CSMD3: variants seen among roughly 807,000 people sequenced by gnomAD.
CSMD3 encodes CUB and sushi domain-containing protein 3.
CSMD3 carries 177 observed loss-of-function variants against 435.2 expected under a neutral mutation model. That is an observed-to-expected ratio of 0.41 (90% CI 0.36 to 0.46). The LOEUF (loss-of-function observed/expected upper bound fraction) is 0.46. Ranked by LOEUF, CSMD3 falls within the 20% of genes least tolerant of loss-of-function variation. CSMD3 has a pLI of 0.34. For synonymous variants in CSMD3, 1,656 were observed against 1,520.5 expected (o/e 1.09, Z -2.07); for missense variants, 4,265 against 4,504.6 (o/e 0.95, Z 1.52).
chr8:112,949,831 C>T (rs532377898), intron 8 of CSMD3, among the ~76,000 whole-genome samples: 3 of 152,112 alleles, frequency 2.0e-5, no homozygotes, highest in African/African-American at 4.8e-5. Flanking sequence ...GTTGTCTGTT[C>T]GCTGTTCTGC....
intron 13 of CSMD3, among the ~76,000 whole-genome samples, chr8:112,790,665 G>A (rs1394501449): frequency 1.3e-5 from 2 of 151,644 alleles, no homozygotes; most frequent in Non-Finnish European, 2.9e-5. Context: ...ATAACCTACT[G>A]AGAAAAAAAA....
chr8:113,120,272 T>C (rs1311200425), intron 4 of CSMD3, among the ~76,000 whole-genome samples: 1 of 152,124 alleles, frequency 6.6e-6, no homozygotes, highest in East Asian at 1.9e-4. Context: ...AAAACTTATA[T>C]TGAAATATTT....
chr8:112,657,698 C>T (rs1279084127), intron 17 of CSMD3, among the ~76,000 whole-genome samples: 4 of 152,110 alleles, frequency 2.6e-5, no homozygotes, highest in Non-Finnish European at 4.4e-5. Flanking sequence ...ATATTTTTCC[C>T]TTGCCTATGA....
intron 3 of CSMD3, among the ~76,000 whole-genome samples, chr8:113,248,816 T>C (rs2093306295): frequency 6.6e-6 from 1 of 151,966 alleles, no homozygotes; most frequent in Admixed American, 6.6e-5. Context: ...AAATCTGGTA[T>C]GATGTTCAAG....
At chr8:113,253,956 C>T (rs1010250097) in intron 3 of CSMD3, among the ~76,000 whole-genome samples, 1 of 152,084 alleles carries the variant, frequency 6.6e-6, no homozygotes, top group Non-Finnish European at 1.5e-5. Context: ...CCAGATATAA[C>T]ATTCCACTTC....
chr8:113,230,503 G>A (rs1201754289), intron 3 of CSMD3, among the ~76,000 whole-genome samples: 1 of 151,536 alleles, frequency 6.6e-6, no homozygotes, highest in Non-Finnish European at 1.5e-5. Context: ...CATACTTAGA[G>A]CCCAATGTCC....
chr8:113,331,553 A>T (rs560592499), intron 1 of CSMD3, among the ~76,000 whole-genome samples: 2 of 151,916 alleles, frequency 1.3e-5, no homozygotes, highest in Non-Finnish European at 3.0e-5. Context: ...AGAAAAGTGA[A>T]TTCAGCAAAA....
rs759473877 is a variant in CSMD3, at chr8:112,341,659, G to A, written c.6470C>T (p.Ser2157Phe). ...CAAATAATCATGTATGGTTTCTGTA[G>A]AAAAATTTACAAACTGGAGATGTAC... ...FGVHLQFVNF[S>F]TETIHDYLEV... Residue 2157 changes from serine (S) to phenylalanine (F), a missense_variant, in exon 42 of 71, where the codon TCT becomes TTT. Ser to Phe is a radical substitution (Grantham distance 155, BLOSUM62 -2). Transcript: ENST00000297405. 1.9e-6 allele frequency: 3 copies of A among 1,611,198 alleles called. No homozygotes were observed. Among genetic ancestry groups the A allele is most frequent in the Non-Finnish European group, 2.5e-6 (3 of 1,177,578 alleles).
At chr8:112,899,638 T>TATAC (rs1309592432) in intron 10 of CSMD3, among the ~76,000 whole-genome samples, 28 of 118,450 alleles carry the variant, frequency 2.4e-4, no homozygotes, top group African/African-American at 8.8e-4. Context: ...TATATGTATA[T>TATAC]ACATATATGT....
In CSMD3 at chr8:112,287,242, A is replaced by G. The variant is rs2130637479; in HGVS notation, c.9153T>C (p.Asp3051=). The change falls in exon 58 of 71, where the codon GAT becomes GAC. Residue 3051 remains aspartate, a synonymous_variant. Transcript: ENST00000297405. ...CTGGATCGCCACATGTCCCAGTAGC[A>G]TCACCTGCAATGCAGTACAGTTCAA... ...WSGSQPHCSG[D]ATGTCGDPGT... is the part of the protein sequence containing the mutation. The G allele has an allele frequency of 6.2e-7, 1 of 1,613,554 alleles. No individual in the cohort carries two copies. The highest frequency in any genetic ancestry group is 8.5e-7 in the Non-Finnish European group (1 of 1,179,668).
intron 3 of CSMD3, among the ~76,000 whole-genome samples, chr8:113,175,615 C>G (rs946387878): frequency 6.6e-6 from 1 of 151,866 alleles, no homozygotes; most frequent in East Asian, 1.9e-4. Context: ...ACACTTTGAA[C>G]AGTAGTTTAT....
At chr8:112,954,092 T>A (rs1201156855) in intron 8 of CSMD3, among the ~76,000 whole-genome samples, 1 of 151,484 alleles carries the variant, frequency 6.6e-6, no homozygotes, top group Admixed American at 6.6e-5. Context: ...TCTGAGATTT[T>A]GGGATGAACT....
At chr8:112,438,757 A>C (rs2130477118) in intron 32 of CSMD3, among the ~76,000 whole-genome samples, 1 of 152,310 alleles carries the variant, frequency 6.6e-6, no homozygotes, top group Admixed American at 6.5e-5. Flanking sequence ...AACAGGAAAG[A>C]CTCATAAAAG....
At chr8:113,016,127 T>C (rs886635384) in intron 6 of CSMD3, among the ~76,000 whole-genome samples, 13 of 151,936 alleles carry the variant, frequency 8.6e-5, no homozygotes, top group Admixed American at 5.3e-4. Context: ...AGTAAGAGAT[T>C]TCTATTATAG....
At chr8:112,746,129 G>C (rs1038394568) in intron 13 of CSMD3, among the ~76,000 whole-genome samples, 3 of 152,106 alleles carry the variant, frequency 2.0e-5, no homozygotes, top group African/African-American at 7.2e-5. Flanking sequence ...ATTCCAATTA[G>C]ATGTAGCCTC....
chr8:113,026,244 T>C (rs575742855), intron 5 of CSMD3, among the ~76,000 whole-genome samples: 8 of 152,254 alleles, frequency 5.3e-5, no homozygotes, highest in African/African-American at 1.9e-4. Flanking sequence ...GTCTCTCCCA[T>C]CCCCAAGCTC....
chr8:112,474,709 A>T (rs1454131691), intron 31 of CSMD3, among the ~76,000 whole-genome samples: 3 of 152,206 alleles, frequency 2.0e-5, no homozygotes, highest in Admixed American at 2.0e-4. Context: ...TGACAGTTTG[A>T]AAAAGTAAAA....
chr8:112,721,675 A>C (rs977399096), intron 13 of CSMD3, among the ~76,000 whole-genome samples: 1 of 152,194 alleles, frequency 6.6e-6, no homozygotes. Flanking sequence ...TCCTTGATGC[A>C]TTCCTGTTTT....
chr8:113,016,080 T>C (rs879643437), intron 6 of CSMD3, among the ~76,000 whole-genome samples: 1 of 151,788 alleles, frequency 6.6e-6, no homozygotes, highest in African/African-American at 2.4e-5. Context: ...AATAACTTTT[T>C]TTTTTAATCA....
Sources: gnomAD v4.1 joint callset for allele counts (sites outside exome capture counted in the v4.1 genomes callset) on GRCh38, gnomAD v4.1.1 for gene constraint, MANE v1.5 for transcripts, NCBI Gene and HGNC (gene_info 2026-07-23, HGNC 2026-07-21) for gene names.